The following NT5C2 variants were observed in gnomAD, a reference collection of about 807,000 sequenced individuals.
NT5C2 encodes the protein cytosolic purine 5'-nucleotidase.
NT5C2 carries 58 observed loss-of-function variants against 76.1 expected under a neutral mutation model. The ratio of observed to expected loss-of-function variants is 0.76; its 90% CI spans 0.62 to 0.95. NT5C2 has a LOEUF of 0.95. Among genes scored for constraint, NT5C2 ranks in the 40% least tolerant of loss-of-function variants. The probability of loss-of-function intolerance (pLI) is 0.00; values close to 1 mark genes in which losing one functional copy is unlikely to be tolerated. For missense variants in NT5C2, 478 were observed against 690.3 expected (o/e 0.69, Z 3.45); for synonymous variants, 229 against 237.4 (o/e 0.96, Z 0.32).
Position 103,100,076 on chromosome 10 carries a change from A to G in NT5C2, c.540-57T>C, listed in dbSNP as rs927265321. 33 of 1,187,390 alleles carry G rather than the reference A, an allele frequency of 2.8e-5. No homozygotes were observed. In the African/African-American group the frequency reaches 3.0e-4, roughly 11 times the overall value. 73.6% of individuals were successfully genotyped at this position (1,187,390 alleles called of 1,614,324 possible). A position where few individuals can be genotyped will look rare whatever the true frequency, so the allele number is the denominator to read the frequency against. Reference sequence around the variant, plus strand: ...ATCCAAAACAGGGTAAACAAAATATATATCAAAAATTTCCCAGGGGACCCA... The same window carrying G: ...ATCCAAAACAGGGTAAACAAAATATGTATCAAAAATTTCCCAGGGGACCCA... On this transcript the variant is annotated intron_variant, in intron 8 of 18. Transcript: ENST00000404739.
At chr10:103,167,664 C>T (rs1170525227) in intron 3 of NT5C2, among the ~76,000 whole-genome samples, 1 of 151,948 alleles carries the variant, frequency 6.6e-6, no homozygotes, top group African/African-American at 2.4e-5. Context: ...CACAGTCTCA[C>T]TCTGTCACCT....
At chr10:103,104,423 T>TGG (rs984792462) in intron 6 of NT5C2, among the ~76,000 whole-genome samples, 2 of 152,220 alleles carry the variant, frequency 1.3e-5, no homozygotes, top group African/African-American at 4.8e-5. Context: ...AATAGAACCC[T>TGG]GGTTCATCTT....
At chr10:103,124,981 CA>C in intron 4 of NT5C2, 1 of 156,044 alleles carries the variant, frequency 6.4e-6, no homozygotes, top group Non-Finnish European at 1.4e-5. Context: ...TTTTGTTTTC[CA>C]TGAGGCATTT....
At chr10:103,105,351 T>A in intron 6 of NT5C2, 1 of 908,612 alleles carries the variant, frequency 1.1e-6, no homozygotes, top group Admixed American at 3.9e-5. Flanking sequence ...CATTTTTATA[T>A]ACATACCTCT....
intron 3 of NT5C2, among the ~76,000 whole-genome samples, chr10:103,147,305 C>A (rs1358234830): frequency 3.3e-5 from 5 of 152,200 alleles, no homozygotes; most frequent in Middle Eastern, 3.2e-3. Flanking sequence ...TACATTGTCC[C>A]ACATCATGCA....
At chr10:103,144,817 A>G (rs763152939) in intron 3 of NT5C2, among the ~76,000 whole-genome samples, 5 of 152,202 alleles carry the variant, frequency 3.3e-5, no homozygotes, top group Admixed American at 6.5e-5. Flanking sequence ...AGAGTCTAAA[A>G]TTAGGAAATA....
At chr10:103,183,281 A>ATTATATATTT (rs1452571027) in intron 1 of NT5C2, among the ~76,000 whole-genome samples, 1 of 130,666 alleles carries the variant, frequency 7.7e-6, no homozygotes, top group Admixed American at 8.6e-5. Flanking sequence ...ATATATATAT[A>ATTATATATTT]TATATATATA....
chr10:103,173,965 G>A (rs1033914542), intron 3 of NT5C2, among the ~76,000 whole-genome samples: 3 of 151,528 alleles, frequency 2.0e-5, no homozygotes, highest in Admixed American at 2.0e-4. Flanking sequence ...CCGTGGTGAC[G>A]CACGCCTGTA....
At chr10:103,190,387 C>T (rs1564677122) in intron 1 of NT5C2, among the ~76,000 whole-genome samples, 1 of 152,202 alleles carries the variant, frequency 6.6e-6, no homozygotes, top group Non-Finnish European at 1.5e-5. Flanking sequence ...CTCAATACAT[C>T]CACTTCAGCA....
rs527848984 is a variant in NT5C2 at position 103,171,015 on chromosome 10, T to C, written c.101+3843A>G. On this transcript the variant is annotated intron_variant, in intron 3 of 18. Transcript: ENST00000404739. ...TTTCCAAATGTTATGTTTTATTACA[T>C]AGACACACATAAATGTTCTGTTTTA... Among the ~76,000 whole-genome samples the C allele has an allele frequency of 5.3e-5, 8 of 152,280 alleles. No homozygotes were observed. The South Asian group carries it at 1.0e-3, about 20-fold the overall frequency.
In NT5C2 at chr10:103,136,087, C is replaced by CA. The variant is rs146869807; in HGVS notation, c.175+3318dup. On this transcript the variant is annotated intron_variant, in intron 4 of 18. Coordinates refer to ENST00000404739, the MANE Select transcript of NT5C2 (RefSeq NM_001351169.2). ...GGGAGACAGAGCGAGACTCTGCCTC[C>CA]AAAAAAAAAACCCTCTTTCTTTTGT... Among the ~76,000 whole-genome samples the CA allele has an allele frequency of 5.0e-3, 723 of 144,316 alleles. 20 individuals carry two copies. In the East Asian group the frequency reaches 0.075, roughly 15 times the overall value. 94.7% of individuals were successfully genotyped at this position (144,316 alleles called of 152,430 possible).
chr10:103,172,095 A>T (rs1237355636), intron 3 of NT5C2, among the ~76,000 whole-genome samples: 1 of 151,942 alleles, frequency 6.6e-6, no homozygotes, highest in Non-Finnish European at 1.5e-5. Context: ...CTGTAATCCC[A>T]GCTACTCGGG....
At position 103,097,357 on chromosome 10, in the gene NT5C2, A is replaced by G; in HGVS notation, c.705T>C (p.Leu235=). The part of the protein sequence containing the change: ...YVVKDGKLPL[L]LSRMKEVGKV... ...TCCCTACTTCCTTCATCCGGCTCAGAAGCAAAGGCAGTTTTCCCTGAAATG... is the reference window on the plus strand; with the variant it reads ...TCCCTACTTCCTTCATCCGGCTCAGGAGCAAAGGCAGTTTTCCCTGAAATG... Residue 235 remains leucine, a synonymous_variant, in exon 11 of 19, where the codon CTT becomes CTC. Coordinates refer to ENST00000404739, the MANE Select transcript of NT5C2 (RefSeq NM_001351169.2). 1 of 1,613,758 alleles carries G rather than the reference A, an allele frequency of 6.2e-7. No individual in the cohort carries two copies. Among genetic ancestry groups the G allele is most frequent in the Admixed American group, 1.7e-5 (1 of 59,984 alleles).
rs191461041 is a variant in NT5C2 at position 103,168,967 on chromosome 10, G to C, written c.101+5891C>G. ...CTGGAAACAGAATATTCTACAAATT[G>C]ACTTAACTAGAAAACTAAAATAAAT... is the stretch of plus-strand genomic sequence containing the variant. On this transcript the variant is annotated intron_variant, in intron 3 of 18. Coordinates refer to ENST00000404739, the MANE Select transcript of NT5C2 (RefSeq NM_001351169.2). Among the ~76,000 whole-genome samples, 342 of 152,112 alleles carry C rather than the reference G, an allele frequency of 2.2e-3. 4 individuals are homozygous for C. Among genetic ancestry groups the C allele is most frequent in the African/African-American group, 7.8e-3 (324 of 41,522 alleles).
chr10:103,107,559 C>A (rs920553343), intron 4 of NT5C2, among the ~76,000 whole-genome samples: 4 of 151,800 alleles, frequency 2.6e-5, no homozygotes, highest in African/African-American at 9.7e-5. Context: ...TGCCTGTTGT[C>A]CCAGCTAGGA....
chr10:103,140,847 A>G (rs2136313400), intron 3 of NT5C2, among the ~76,000 whole-genome samples: 1 of 152,302 alleles, frequency 6.6e-6, no homozygotes, highest in East Asian at 1.9e-4. Context: ...AGAAATGTCT[A>G]TGCAGGTCCT....
chr10:103,157,147 G>A (rs777243625), intron 3 of NT5C2, among the ~76,000 whole-genome samples: 1 of 150,124 alleles, frequency 6.7e-6, no homozygotes, highest in Non-Finnish European at 1.5e-5. Flanking sequence ...TAGATCAATA[G>A]AATGAAAAAG....
intron 2 of NT5C2, among the ~76,000 whole-genome samples, chr10:103,176,497 CCGTTGAGT>C (rs1374247663): frequency 6.6e-6 from 1 of 152,176 alleles, no homozygotes; most frequent in African/African-American, 2.4e-5. Flanking sequence ...CAGCCTCCCG[CCGTTGAGT>C]TTTAGTCTCT....
intron 7 of NT5C2, 33 bp downstream of exon 7, chr10:103,101,202 G>T: frequency 6.9e-7 from 1 of 1,444,808 alleles, no homozygotes; most frequent in Admixed American, 1.7e-5. Flanking sequence ...AGAAGGGAAA[G>T]CATCAGTATA....
Sources: allele counts gnomAD v4.1 joint callset (sites outside exome capture counted in the v4.1 genomes callset), GRCh38; gene constraint gnomAD v4.1.1; transcripts MANE v1.5; gene names NCBI Gene and HGNC (gene_info 2026-07-23, HGNC 2026-07-21).